PKM: variants seen among roughly 807,000 people sequenced by gnomAD.
PKM encodes the protein pyruvate kinase PKM.
Under a neutral mutation model 49.8 loss-of-function variants are expected in PKM, and 18 were observed. The observed-to-expected ratio is 0.36, with a 90% CI of 0.25 to 0.54. PKM has a LOEUF of 0.54. Among genes scored for constraint, PKM ranks in the 20% least tolerant of loss-of-function variants. The pLI, the probability that PKM is intolerant of heterozygous loss-of-function variation, is 0.89. For synonymous variants in PKM, 239 were observed against 261.8 expected (o/e 0.91, Z 0.84); for missense variants, 508 against 713.8 (o/e 0.71, Z 3.28).
At position 72,207,120 on chromosome 15, in the gene PKM, C is replaced by T. The variant is rs1384708958; in HGVS notation, c.987+7G>A. 1 of 1,613,276 alleles carries T rather than the reference C, an allele frequency of 6.2e-7. No homozygotes were observed. Among genetic ancestry groups the T allele is most frequent in the South Asian group, 1.1e-5 (1 of 91,044 alleles). On this transcript the variant is annotated splice_region_variant and intron_variant, in intron 7 of 10. Coordinates refer to ENST00000335181, the MANE Select transcript of PKM (RefSeq NM_002654.6). ...ACATGAGAATGTGGGGAAGGGTGGG[C>T]ACATGCCTGAGTAGCACAGATGACA... is the stretch of plus-strand genomic sequence containing the variant.
At chr15:72,221,127 C>T in intron 1 of PKM, 2 of 1,143,812 alleles carry the variant, frequency 1.7e-6, no homozygotes, top group Non-Finnish European at 2.5e-6. Flanking sequence ...GAGGGTCTTC[C>T]TGTAAAGACC....
chr15:72,231,473 GC>G (rs35664254), upstream of PKM: 1 of 152,442 alleles, frequency 6.6e-6, no homozygotes, highest in African/African-American at 2.4e-5. Flanking sequence ...AACGGGGCCC[GC>G]CCCCGGAGCG....
chr15:72,227,744 C>CAAAAAAAAAAAAAAAAA (rs34876633), intron 1 of PKM, among the ~76,000 whole-genome samples: 2 of 10,808 alleles, frequency 1.9e-4, no homozygotes, highest in Admixed American at 1.7e-3. Flanking sequence ...AAAACTATCT[C>CAAAAAAAAAAAAAAAAA]AAAAAAAAAA....
chr15:72,221,811 T>C (rs2082531617), intron 1 of PKM, among the ~76,000 whole-genome samples: 1 of 151,198 alleles, frequency 6.6e-6, no homozygotes, highest in South Asian at 2.1e-4. Context: ...GTACACTGGG[T>C]TGTGATTAAA....
intron 1 of PKM, among the ~76,000 whole-genome samples, chr15:72,229,204 T>G (rs2082772549): frequency 6.6e-6 from 1 of 152,184 alleles, no homozygotes; most frequent in Non-Finnish European, 1.5e-5. Flanking sequence ...GTAATTGTGC[T>G]CAAAAATAAT....
intron 6 of PKM, 73 bp downstream of exon 6, chr15:72,208,548 C>CA: frequency 1.3e-6 from 2 of 1,506,284 alleles, no homozygotes; most frequent in African/African-American, 1.4e-5. Context: ...GGCTGGGAAT[C>CA]AGACATTCAC....
At chr15:72,218,712 C>G (rs555539856) in intron 2 of PKM, among the ~76,000 whole-genome samples, 1 of 152,014 alleles carries the variant, frequency 6.6e-6, no homozygotes, top group Non-Finnish European at 1.5e-5. Flanking sequence ...CACCATACCT[C>G]GCCATCTTAG....
intron 3 of PKM, among the ~76,000 whole-genome samples, chr15:72,214,951 G>A (rs1003202160): frequency 6.6e-6 from 1 of 152,118 alleles, no homozygotes; most frequent in African/African-American, 2.4e-5. Context: ...GGTGGCTCAC[G>A]CCTTTAGGAG....
At chr15:72,215,875 A>G (rs1374299579) in intron 3 of PKM, among the ~76,000 whole-genome samples, 5 of 152,228 alleles carry the variant, frequency 3.3e-5, no homozygotes, top group Admixed American at 6.5e-5. Flanking sequence ...TCTAACAAGT[A>G]ATTCTCGGTG....
At chr15:72,220,884 C>T (rs865801610) in intron 1 of PKM, among the ~76,000 whole-genome samples, 3 of 152,174 alleles carry the variant, frequency 2.0e-5, no homozygotes, top group Non-Finnish European at 2.9e-5. Context: ...AGGGAGGGCT[C>T]GCATACCTTC....
At position 72,200,490 on chromosome 15, in the gene PKM, G is replaced by A. The variant is rs185164430; in HGVS notation, c.1473C>T (p.Asn491=). Residue 491 remains asparagine, a synonymous_variant, in exon 10 of 11, where the codon AAC becomes AAT. Transcript: ENST00000335181. This position sits in a 1 kb window ranked among gnomAD's most constrained non-coding sequence, Gnocchi z 4.6. ...AWAEDVDLRV[N]FAMNVGKARG... is the part of the protein sequence containing the mutation. ...GCCACGTACCAACATTCATGGCAAA[G>A]TTCACCCGGAGGTCCACGTCCTCAG... The A allele has an allele frequency of 8.1e-6, 13 of 1,613,466 alleles. No homozygotes were observed. The highest frequency in any genetic ancestry group is 1.7e-5 in the Admixed American group (1 of 60,020).
chr15:72,227,282 T>C (rs1596809182), intron 1 of PKM, among the ~76,000 whole-genome samples: 1 of 152,348 alleles, frequency 6.6e-6, no homozygotes, highest in East Asian at 1.9e-4. Flanking sequence ...GCAATAAAAC[T>C]CTGCTCACAG....
At position 72,203,662 on chromosome 15, in the gene PKM, C is replaced by T. The variant is rs190010962; in HGVS notation, c.1141-1042G>A. On this transcript the variant is annotated intron_variant, in intron 8 of 10. Transcript: ENST00000335181. Reference sequence around the variant, plus strand: ...GTGAGCGCTCACTTGGCTTCAGGCACGGGGATGCACTGAGCCTTTCCAATG... The same window carrying T: ...GTGAGCGCTCACTTGGCTTCAGGCATGGGGATGCACTGAGCCTTTCCAATG... 19 of 186,992 alleles carry T rather than the reference C, an allele frequency of 1.0e-4. No homozygotes were observed. The East Asian group carries it at 2.1e-3, about 21-fold the overall frequency. The allele number at this position is 186,992 out of a possible 1,614,324, so 11.6% of individuals were successfully genotyped here.
chr15:72,229,815 G>T, intron 1 of PKM: 2 of 544,668 alleles, frequency 3.7e-6, no homozygotes, highest in Non-Finnish European at 4.9e-6. Flanking sequence ...GAACGCGACA[G>T]ATTTCCTGCC....
intron 1 of PKM, among the ~76,000 whole-genome samples, chr15:72,219,870 T>C (rs907187998): frequency 6.6e-6 from 1 of 152,250 alleles, no homozygotes; most frequent in Admixed American, 6.5e-5. Context: ...CAAATGATTT[T>C]TGATACACAT....
At chr15:72,201,076 G>GAC (rs1157914120) in intron 9 of PKM, 4 of 179,862 alleles carry the variant, frequency 2.2e-5, no homozygotes, top group Non-Finnish European at 4.7e-5. Flanking sequence ...CCTGACTCTT[G>GAC]ACATCTGCAA....
chr15:72,205,285 G>A (rs555726480), intron 8 of PKM, among the ~76,000 whole-genome samples: 3 of 152,246 alleles, frequency 2.0e-5, no homozygotes, highest in South Asian at 4.2e-4. Flanking sequence ...ACCATGCCCA[G>A]CTAGCTAACT....
At chr15:72,228,523 G>C (rs1200727123) in intron 1 of PKM, 1 of 596,290 alleles carries the variant, frequency 1.7e-6, no homozygotes, top group Non-Finnish European at 2.8e-6. Context: ...TCACTGAAAG[G>C]GGAGAAGGGA....
intron 6 of PKM, among the ~76,000 whole-genome samples, chr15:72,207,915 C>T (rs1395290531): frequency 3.9e-5 from 6 of 152,264 alleles, no homozygotes; most frequent in African/African-American, 9.6e-5. Context: ...TCCCCAAACA[C>T]ACTTCTAATC....
Sources: allele counts gnomAD v4.1 joint callset (sites outside exome capture counted in the v4.1 genomes callset), GRCh38; gene constraint gnomAD v4.1.1; non-coding constraint Gnocchi (gnomAD v3.1); transcripts MANE v1.5; gene names NCBI Gene and HGNC (gene_info 2026-07-23, HGNC 2026-07-21).